Variants in SANBR observed in about 807,000 individuals in gnomAD.
SANBR encodes the protein SANT and BTB domain regulator of CSR.
In SANBR, 77 loss-of-function variants were observed where a neutral mutation model predicts 101.8. That is an observed-to-expected ratio of 0.76 (90% CI 0.63 to 0.91). The LOEUF (loss-of-function observed/expected upper bound fraction) is 0.91, where lower values mean the gene tolerates loss of function less well. Ranked by LOEUF, SANBR falls within the 40% of genes least tolerant of loss-of-function variation. The pLI is 0.00. For synonymous variants in SANBR, 279 were observed against 274.7 expected (o/e 1.02, Z -0.15); for missense variants, 875 against 853.0 (o/e 1.03, Z -0.32).
In SANBR at chr2:61,070,504, A is replaced by G. The variant is rs1681404432; in HGVS notation, c.150+4A>G. On this transcript the variant is annotated splice_donor_region_variant and intron_variant, in intron 3 of 21. Coordinates refer to ENST00000402291, the MANE Select transcript of SANBR (RefSeq NM_001129993.3). ...GCCTGGATTAACACCAAAAGAGGTA[A>G]ATAACAGTCCCCCCAGAATATCTCC... is the stretch of plus-strand genomic sequence containing the variant. 1.9e-6 allele frequency: 3 copies of G among 1,604,978 alleles called. No individual in the cohort carries two copies. The highest frequency in any genetic ancestry group is 2.7e-5 in the African/African-American group (2 of 74,530).
intron 12 of SANBR, among the ~76,000 whole-genome samples, chr2:61,102,757 C>T (rs893901567): frequency 1.3e-5 from 2 of 151,862 alleles, no homozygotes; most frequent in Admixed American, 6.6e-5. Context: ...AGGCTGGTCT[C>T]GAACTCTTAG....
intron 15 of SANBR, 152 bp from the exon 16 acceptor site, chr2:61,109,045 A>T (rs555376815): frequency 2.5e-6 from 1 of 406,356 alleles, no homozygotes; most frequent in Admixed American, 4.4e-5. Context: ...AAAAATTCTT[A>T]TGTCTATTTC....
intron 7 of SANBR, 68 bp from the exon 8 acceptor site, chr2:61,083,086 G>C (rs551805277): frequency 1.3e-4 from 160 of 1,204,146 alleles, no homozygotes; most frequent in Non-Finnish European, 1.7e-4. Context: ...TTTTATCTTT[G>C]AAAGGTATTG....
chr2:61,092,987 C>T (rs1357502413), intron 11 of SANBR, among the ~76,000 whole-genome samples: 1 of 151,918 alleles, frequency 6.6e-6, no homozygotes, highest in Admixed American at 6.6e-5. Flanking sequence ...CGAAAAATTA[C>T]CCGGTTGTGG....
chr2:61,099,986 GAAGT>G (rs2104921411), intron 12 of SANBR, among the ~76,000 whole-genome samples: 1 of 152,342 alleles, frequency 6.6e-6, no homozygotes, highest in African/African-American at 2.4e-5. Context: ...TATGGGTTGA[GAAGT>G]GAGTGAGAGA....
intron 12 of SANBR, 37 bp from the exon 13 acceptor site, chr2:61,103,816 C>T (rs1683407899): frequency 6.3e-7 from 1 of 1,599,834 alleles, no homozygotes; most frequent in South Asian, 1.1e-5. Context: ...TGTTCTATAA[C>T]AAACTAACCT....
At chr2:61,101,505 G>A (rs1193583688) in intron 12 of SANBR, among the ~76,000 whole-genome samples, 23 of 151,948 alleles carry the variant, frequency 1.5e-4, no homozygotes, top group Admixed American at 1.2e-3. Flanking sequence ...AGGCTGAGGC[G>A]GGCGGATCAC....
At chr2:61,085,674 C>T (rs2104884581) in intron 8 of SANBR, among the ~76,000 whole-genome samples, 1 of 152,108 alleles carries the variant, frequency 6.6e-6, no homozygotes, top group East Asian at 1.9e-4. Context: ...CCACACCCAG[C>T]CAATTTTTAT....
At chr2:61,083,942 C>T (rs540062559) in intron 8 of SANBR, among the ~76,000 whole-genome samples, 115 of 151,824 alleles carry the variant, frequency 7.6e-4, no homozygotes, top group African/African-American at 2.7e-3. Flanking sequence ...TTTTTACTCT[C>T]TCTTTTCATT....
At chr2:61,077,803 CT>C (rs1385424145) in intron 6 of SANBR, among the ~76,000 whole-genome samples, 5 of 152,172 alleles carry the variant, frequency 3.3e-5, no homozygotes, top group African/African-American at 1.2e-4. Flanking sequence ...ATTAGCTGCT[CT>C]TTTAAAAATT....
chr2:61,130,694 A>C (rs1684660968), intron 20 of SANBR, among the ~76,000 whole-genome samples: 1 of 151,844 alleles, frequency 6.6e-6, no homozygotes, highest in Non-Finnish European at 1.5e-5. Context: ...CACGCCTGTA[A>C]TCCCAGCACT....
chr2:61,075,929 G>T, intron 5 of SANBR, among the ~76,000 whole-genome samples: 1 of 151,874 alleles, frequency 6.6e-6, no homozygotes, highest in Non-Finnish European at 1.5e-5. Flanking sequence ...TTCCCCACAG[G>T]AATTAGAGTG....
At chr2:61,129,444 C>CA (rs34073185) in intron 20 of SANBR, among the ~76,000 whole-genome samples, 60,603 of 143,734 alleles carry the variant, frequency 0.42, 12,525 homozygotes, top group Middle Eastern at 0.49. Flanking sequence ...AACTCCATCT[C>CA]AAAAAAAAAA....
At chr2:61,104,636 C>T (rs1051872347) in intron 13 of SANBR, among the ~76,000 whole-genome samples, 1 of 152,092 alleles carries the variant, frequency 6.6e-6, no homozygotes, top group African/African-American at 2.4e-5. Flanking sequence ...ATGATTGATA[C>T]AACTAGAAAA....
chr2:61,101,445 A>C (rs935982366), intron 12 of SANBR, among the ~76,000 whole-genome samples: 1 of 152,204 alleles, frequency 6.6e-6, no homozygotes, highest in African/African-American at 2.4e-5. Context: ...CTTTAAAAGA[A>C]TATATTGGCT....
chr2:61,077,803 C>T (rs1573594667), intron 6 of SANBR, among the ~76,000 whole-genome samples: 2 of 152,290 alleles, frequency 1.3e-5, no homozygotes, highest in Middle Eastern at 3.4e-3. Context: ...ATTAGCTGCT[C>T]TTTTAAAAAT....
chr2:61,077,050 G>A lies in SANBR; in HGVS notation c.562G>A (p.Glu188Lys). ...TTTATCTATGGATGCCCAGCGCTGG[G>A]AAGAGGTGGACATTTCAGTTCATTG... The part of the protein sequence containing the change: ...EYLSMDAQRW[E>K]EVDISVHCDV... The change falls in exon 6 of 22, where the codon GAA (glutamate) becomes AAA (lysine). Residue 188 changes from glutamate (E) to lysine (K), a missense_variant. Coordinates refer to ENST00000402291, the MANE Select transcript of SANBR (RefSeq NM_001129993.3). 10 of 1,614,016 alleles carry A rather than the reference G, an allele frequency of 6.2e-6. No homozygotes were observed. The highest frequency in any genetic ancestry group is 8.5e-6 in the Non-Finnish European group (10 of 1,179,876).
chr2:61,127,022 ACT>A (rs1004357599), downstream of SANBR, among the ~76,000 whole-genome samples: 3 of 151,908 alleles, frequency 2.0e-5, no homozygotes, highest in African/African-American at 7.3e-5. Flanking sequence ...CATCCAAGTC[ACT>A]CTCATCACAT....
intron 20 of SANBR, among the ~76,000 whole-genome samples, chr2:61,118,562 G>A: frequency 8.6e-6 from 1 of 116,430 alleles, no homozygotes; most frequent in East Asian, 2.5e-4. Flanking sequence ...GGGGTTTTTT[G>A]TTGGTTTTTT....
Sources: gnomAD v4.1 joint callset for allele counts (sites outside exome capture counted in the v4.1 genomes callset) on GRCh38, gnomAD v4.1.1 for gene constraint, MANE v1.5 for transcripts, NCBI Gene and HGNC (gene_info 2026-07-23, HGNC 2026-07-21) for gene names.